The following REEP4 variants were observed in gnomAD, a reference collection of about 807,000 sequenced individuals.
REEP4 encodes the protein receptor expression-enhancing protein 4.
A neutral mutation model predicts 33.5 loss-of-function variants in REEP4; 17 were observed. The ratio of observed to expected loss-of-function variants is 0.51; its 90% CI spans 0.35 to 0.76. The LOEUF is 0.76. REEP4 is among the 30% of genes least tolerant of loss of function. The pLI, the probability that REEP4 is intolerant of heterozygous loss-of-function variation, is 0.01. For synonymous variants in REEP4, 157 were observed against 142.9 expected, an observed-to-expected ratio of 1.10 and a Z score of -0.70; for missense variants, 340 against 357.9, an observed-to-expected ratio of 0.95 and a Z score of 0.40.
rs765020107 is a variant in REEP4, at chr8:22,138,710, G to A, written c.637C>T (p.Arg213Trp). The change falls in exon 7 of 8, where the codon CGG (arginine) becomes TGG (tryptophan). Residue 213 changes from arginine (R) to tryptophan (W), a missense_variant. Coordinates refer to ENST00000306306, the MANE Select transcript of REEP4 (RefSeq NM_025232.4). ...DTEAVPRAPA[R>W]PREKPLIRSQ... ...CGGATTAGGGGCTTCTCTCGGGGCC[G>A]GGCTGGCGCCCGGGGGACTGCCTCA... is the stretch of plus-strand genomic sequence containing the variant. 29 of 1,612,932 alleles carry A rather than the reference G, an allele frequency of 1.8e-5. No individual in the cohort carries two copies. The highest frequency in any genetic ancestry group is 1.8e-4 in the South Asian group (16 of 91,070).
chr8:22,139,432 A>C lies in REEP4; in HGVS notation c.401T>G (p.Val134Gly), dbSNP rs1446658027. 6.2e-7 allele frequency: 1 copy of C among 1,606,814 alleles called. No homozygotes were observed. The highest frequency in any genetic ancestry group is 1.3e-5 in the African/African-American group (1 of 74,912). Reference protein sequence around the residue: ...RGLNIAASAAVQAATKSQGAL... With the variant: ...RGLNIAASAAGQAATKSQGAL... ...CCAGAGCACCTTGGTGGCAGCCTGC[A>C]CAGCAGCGGAGGCGGCAATGTTGAG... Residue 134 changes from valine (V) to glycine (G), a missense_variant, in exon 5 of 8, where the codon GTG (valine) becomes GGG (glycine). By Grantham distance (109) the Val-to-Gly change is moderately radical (BLOSUM62 -3). Transcript: ENST00000306306.
At chr8:22,139,106 T>C (rs1002910010) in intron 5 of REEP4, 45 bp from the exon 6 acceptor site, 12 of 1,558,318 alleles carry the variant, frequency 7.7e-6, no homozygotes, top group Admixed American at 7.4e-5. Flanking sequence ...CCCAGGGATA[T>C]TGGCCAACCA....
In REEP4 at chr8:22,139,667, C is replaced by G. The variant is rs947819170; in HGVS notation, c.304-138G>C. ...GGTGCCCAGAGCCACAAATCCGGGC[C>G]ACAAACACAGACCAAGAGCAGGGCT... On this transcript the variant is annotated intron_variant, in intron 4 of 7. Coordinates refer to ENST00000306306, the MANE Select transcript of REEP4 (RefSeq NM_025232.4). The G allele has an allele frequency of 5.8e-5, 44 of 756,044 alleles. 1 individual carries two copies. The highest frequency in any genetic ancestry group is 1.5e-5 in the Non-Finnish European group (7 of 474,714). The allele number at this position is 756,044 out of a possible 1,614,324, so 46.8% of individuals were successfully genotyped here.
Position 22,140,679 on chromosome 8 carries a change from C to A in REEP4, c.51G>T (p.Leu17=), listed in dbSNP as rs764673857. Residue 17 remains leucine, a synonymous_variant, in exon 2 of 8, where the codon CTG becomes CTT. Transcript: ENST00000306306. ...CCTTATAGGAAGCATAAGCTGGACA[C>A]AGCATCCCAAACACCAGCCTGGAAG... The part of the protein sequence containing the change: ...CRLVVLVFGM[L]CPAYASYKAV... 6.8e-6 allele frequency: 11 copies of A among 1,613,682 alleles called. No individual in the cohort carries two copies. The highest frequency in any genetic ancestry group is 9.3e-6 in the Non-Finnish European group (11 of 1,179,788).
At chr8:22,139,304 C>T in intron 5 of REEP4, 112 bp downstream of exon 5, 1 of 993,404 alleles carries the variant, frequency 1.0e-6, no homozygotes, top group Non-Finnish European at 1.5e-6. Context: ...GTCACCTTCT[C>T]ACCCCTGCTC....
rs1180532780 is a variant in REEP4 at position 22,141,637 on chromosome 8, T to G, written c.-155A>C. 4.2e-6 allele frequency: 3 copies of G among 716,958 alleles called. No individual in the cohort carries two copies. Among genetic ancestry groups the G allele is most frequent in the Non-Finnish European group, 6.7e-6 (3 of 450,182 alleles). 44.4% of individuals were successfully genotyped at this position (716,958 alleles called of 1,614,324 possible). ...GAGGCAGAGCCCGCCGCCCACGGCC[T>G]CCGACTGTGCAGTTCAGGGGACCTG... On this transcript the variant is annotated 5_prime_UTR_variant, in exon 1 of 8. Coordinates refer to ENST00000306306, the MANE Select transcript of REEP4 (RefSeq NM_025232.4).
At position 22,140,652 on chromosome 8, in the gene REEP4, A is replaced by G. The variant is rs759948379; in HGVS notation, c.78T>C (p.Ala26=). The part of the protein sequence containing the change: ...MLCPAYASYK[A]VKTKNIREYV... ...ATTCACGAATGTTCTTGGTCTTCACAGCCTTATAGGAAGCATAAGCTGGAC... is the reference window on the plus strand; with the variant it reads ...ATTCACGAATGTTCTTGGTCTTCACGGCCTTATAGGAAGCATAAGCTGGAC... The change falls in exon 2 of 8, where the codon GCT becomes GCC. Residue 26 remains alanine (A), a synonymous_variant. Coordinates refer to ENST00000306306, the MANE Select transcript of REEP4 (RefSeq NM_025232.4). 6.2e-7 allele frequency: 1 copy of G among 1,613,986 alleles called. No individual in the cohort carries two copies. Among genetic ancestry groups the G allele is most frequent in the Non-Finnish European group, 8.5e-7 (1 of 1,179,874 alleles).
intron 4 of REEP4, 43 bp from the exon 5 acceptor site, chr8:22,139,572 G>T: frequency 6.8e-7 from 1 of 1,476,666 alleles, no homozygotes; most frequent in Non-Finnish European, 9.3e-7. Context: ...GACAGCCAGA[G>T]TCCCTCTTCC....
At position 22,141,532 on chromosome 8, in the gene REEP4, G is replaced by A. The variant is rs772839323; in HGVS notation, c.-50C>T. 1.3e-6 allele frequency: 2 copies of A among 1,576,060 alleles called. No homozygotes were observed. Among genetic ancestry groups the A allele is most frequent in the South Asian group, 2.3e-5 (2 of 85,880 alleles). On this transcript the variant is annotated 5_prime_UTR_variant, in exon 1 of 8. Coordinates refer to ENST00000306306, the MANE Select transcript of REEP4 (RefSeq NM_025232.4). ...AGGACCCCAGGAAGCCGCTCAGAAG[G>A]ACGTTCACTCAAGGGCTGGGACGGG...
chr8:22,140,400 T>A, intron 2 of REEP4, 152 bp from the exon 3 acceptor site: 6 of 916,998 alleles, frequency 6.5e-6, no homozygotes, highest in Non-Finnish European at 1.1e-5. Flanking sequence ...AAACTGCTGC[T>A]CATTCCTATG....
chr8:22,140,516 T>G, intron 2 of REEP4, 109 bp downstream of exon 2: 1 of 993,326 alleles, frequency 1.0e-6, no homozygotes, highest in East Asian at 2.4e-5. Context: ...CCCTCCCCAC[T>G]CCACTCAGGA....
chr8:22,138,968 G>C lies in REEP4; in HGVS notation c.511C>G (p.Leu171Val). 6.2e-7 allele frequency: 1 copy of C among 1,608,628 alleles called. No homozygotes were observed. The highest frequency in any genetic ancestry group is 8.5e-7 in the Non-Finnish European group (1 of 1,177,776). Reference sequence around the variant, plus strand: ...TGGGACACCTGGTCCTCCAGGTAGAGGGGGTCATGGTAGGCAGGGGCAGGT... The same window carrying C: ...TGGGACACCTGGTCCTCCAGGTAGACGGGGTCATGGTAGGCAGGGGCAGGT... Reference protein sequence around the residue: ...DAPAPAYHDPLYLEDQVSHRR... With the variant: ...DAPAPAYHDPVYLEDQVSHRR... The change falls in exon 6 of 8, where the codon CTC becomes GTC. Residue 171 changes from leucine to valine, a missense_variant. Transcript: ENST00000306306.
chr8:22,138,596 G>C, intron 7 of REEP4, 43 bp downstream of exon 7: 1 of 1,613,898 alleles, frequency 6.2e-7, no homozygotes, highest in Non-Finnish European at 8.5e-7. Context: ...GGGAGCACCA[G>C]CCAGCAGAGC....
In REEP4 at chr8:22,139,043, C is replaced by A. The variant is rs138652730; in HGVS notation, c.436G>T (p.Gly146Cys). The change falls in exon 6 of 8, where the codon GGC becomes TGC. Residue 146 changes from glycine (G) to cysteine (C), a missense_variant. Transcript: ENST00000306306. ...TGCATGGAGAAGCTCCGCAGCCTGC[C>A]GGCCAGCGCCCCCTGACTCTGCGAG... ...AATKSQGALA[G>C]RLRSFSMQDL... 8 of 1,575,222 alleles carry A rather than the reference C, an allele frequency of 5.1e-6. No homozygotes were observed. The East Asian group carries it at 9.0e-5, about 18-fold the overall frequency.
At position 22,139,061 on chromosome 8, in the gene REEP4, T is replaced by C; in HGVS notation, c.418A>G (p.Ser140Gly). 3 of 1,567,426 alleles carry C rather than the reference T, an allele frequency of 1.9e-6. No individual in the cohort carries two copies. Among genetic ancestry groups the C allele is most frequent in the African/African-American group, 1.4e-5 (1 of 73,768 alleles). The change falls in exon 6 of 8, where the codon AGT becomes GGT. Residue 140 changes from serine to glycine, a missense_variant and splice_region_variant. By Grantham distance (56) the Ser-to-Gly change is moderately conservative. Transcript: ENST00000306306. Reference protein sequence around the residue: ...ASAAVQAATKSQGALAGRLRS... With the variant: ...ASAAVQAATKGQGALAGRLRS... ...AGCCTGCCGGCCAGCGCCCCCTGACTCTGCGAGGGGGAAGAGGCTTCAGCG... is the reference window on the plus strand; with the variant it reads ...AGCCTGCCGGCCAGCGCCCCCTGACCCTGCGAGGGGGAAGAGGCTTCAGCG...
Position 22,138,164 on chromosome 8 carries a change from G to A in REEP4, c.*323C>T. ...GACAGGAAGGAATGAACACACCCAG[G>A]TGGACGTTTGGTTTCATTTGCAGGG... On this transcript the variant is annotated 3_prime_UTR_variant, in exon 8 of 8. Transcript: ENST00000306306. 5 of 601,362 alleles carry A rather than the reference G, an allele frequency of 8.3e-6. No homozygotes were observed. Among genetic ancestry groups the A allele is most frequent in the Non-Finnish European group, 1.2e-5 (4 of 336,880 alleles). The allele number at this position is 601,362 out of a possible 1,614,324, so 37.3% of individuals were successfully genotyped here.
rs1827173446 is a variant in REEP4, at chr8:22,138,784, G to A, written c.563C>T (p.Ala188Val). ...GGTGTCGCTGTCCTGCAGGCCCCCG[G>A]CCCGGTACCCTGTGTGGAGGAGGAG... ...SHRRPPIGYR[A>V]GGLQDSDTED... The change falls in exon 7 of 8, where the codon GCC becomes GTC. Residue 188 changes from alanine (A) to valine (V), a missense_variant. Ala to Val is a moderately conservative substitution (Grantham distance 64). Transcript: ENST00000306306. 3 of 1,602,246 alleles carry A rather than the reference G, an allele frequency of 1.9e-6. No homozygotes were observed. Among genetic ancestry groups the A allele is most frequent in the African/African-American group, 1.3e-5 (1 of 74,142 alleles).
In REEP4 at chr8:22,139,465, T is replaced by G; in HGVS notation, c.368A>C (p.Lys123Thr). ...GGAGGCGGCAATGTTGAGGCCCCGC[T>G]TCCCGAAGCTGAGCACGGTCTCGTA... Reference protein sequence around the residue: ...RSYETVLSFGKRGLNIAASAA... With the variant: ...RSYETVLSFGTRGLNIAASAA... The change falls in exon 5 of 8, where the codon AAG becomes ACG. Residue 123 changes from lysine (K) to threonine (T), a missense_variant. Physicochemically the swap from Lys to Thr is moderately conservative, Grantham distance 78 (BLOSUM62 -1). Transcript: ENST00000306306. 1 of 1,610,348 alleles carries G rather than the reference T, an allele frequency of 6.2e-7. No individual in the cohort carries two copies. Among genetic ancestry groups the G allele is most frequent in the Non-Finnish European group, 8.5e-7 (1 of 1,179,918 alleles).
Position 22,138,625 on chromosome 8 carries a change from C to T in REEP4, c.708+14G>A, listed in dbSNP as rs1348605129. ...GCAGAGCCCTCCTCCCTCCTGTCGT[C>T]CTCCCACACTGACCTCCCGCACCGG... On this transcript the variant is annotated intron_variant, in intron 7 of 7. Coordinates refer to ENST00000306306, the MANE Select transcript of REEP4 (RefSeq NM_025232.4). 26 of 1,613,882 alleles carry T rather than the reference C, an allele frequency of 1.6e-5. No individual in the cohort carries two copies. Among genetic ancestry groups the T allele is most frequent in the Non-Finnish European group, 2.2e-5 (26 of 1,180,024 alleles).
Sources: gnomAD v4.1 joint callset for allele counts on GRCh38, gnomAD v4.1.1 for gene constraint, MANE v1.5 for transcripts, NCBI Gene and HGNC (gene_info 2026-07-23, HGNC 2026-07-21) for gene names.